The following CDC42BPB variants were observed in gnomAD, a reference collection of about 807,000 sequenced individuals.
CDC42BPB encodes CDC42 binding protein kinase beta, also known as serine/threonine-protein kinase MRCK beta.
Under a neutral mutation model 214.9 loss-of-function variants are expected in CDC42BPB, and 37 were observed. The ratio of observed to expected loss-of-function variants is 0.17; its 90% CI spans 0.13 to 0.23. The LOEUF (loss-of-function observed/expected upper bound fraction) is 0.23, where lower values mean the gene tolerates loss of function less well. Ranked by LOEUF, CDC42BPB falls within the 10% of genes least tolerant of loss-of-function variation. The pLI, the probability that CDC42BPB is intolerant of heterozygous loss-of-function variation, is 1.00. For missense variants in CDC42BPB, 1,694 were observed against 2,227.0 expected, an observed-to-expected ratio of 0.76 and a Z score of 4.82; for synonymous variants, 931 against 884.0, an observed-to-expected ratio of 1.05 and a Z score of -0.94.
intron 36 of CDC42BPB, among the ~76,000 whole-genome samples, chr14:102,935,744 C>T (rs1304372528): frequency 7.0e-6 from 1 of 142,012 alleles, no homozygotes; most frequent in Non-Finnish European, 1.5e-5. Context: ...GAGCCAAGAT[C>T]GTGCCACTGC....
At chr14:102,959,836 A>C in intron 20 of CDC42BPB, 126 bp from the exon 21 acceptor site, 1 of 904,116 alleles carries the variant, frequency 1.1e-6, no homozygotes, top group Non-Finnish European at 1.3e-6. Context: ...CATGATCACA[A>C]TTAAAAAAAA....
chr14:103,057,092 C>A lies in CDC42BPB; in HGVS notation c.82G>T (p.Glu28Ter). The change falls in exon 1 of 37, where the codon GAA becomes TAA. Residue 28 changes from glutamate to a stop codon, truncating the protein, a stop_gained. Coordinates refer to ENST00000361246, the MANE Select transcript of CDC42BPB (RefSeq NM_006035.4). LOFTEE classifies it high-confidence loss of function. Reference protein sequence around the residue: ...PWRNESALSVETLLDVLVCLY... With the variant: ...PWRNESALSV The stretch of plus-strand genomic sequence containing the variant: ...CAGACGAGCACGTCGAGCAGCGTTT[C>A]CACGCTCAGGGCGCTCTCGTTGCGC... 1 of 1,525,922 alleles carries A rather than the reference C, an allele frequency of 6.6e-7. No individual in the cohort carries two copies. The allele number at this position is 1,525,922 out of a possible 1,614,324, so 94.5% of individuals were successfully genotyped here.
At chr14:103,000,451 G>A (rs898054758) in intron 4 of CDC42BPB, among the ~76,000 whole-genome samples, 3 of 152,236 alleles carry the variant, frequency 2.0e-5, no homozygotes, top group African/African-American at 7.2e-5. Flanking sequence ...AGGCCCCAGT[G>A]GGGAGATCTC....
At chr14:103,040,213 G>C (rs1469478237) in intron 1 of CDC42BPB, among the ~76,000 whole-genome samples, 6 of 152,020 alleles carry the variant, frequency 3.9e-5, no homozygotes, top group Non-Finnish European at 7.4e-5. Context: ...ACATTAGCCA[G>C]GCGTCGTGGC....
intron 27 of CDC42BPB, 110 bp from the exon 28 acceptor site, chr14:102,946,794 G>C: frequency 6.7e-7 from 1 of 1,481,702 alleles, no homozygotes; most frequent in South Asian, 1.4e-5. Context: ...GGGGGCTGAT[G>C]TGCTTCCCAG....
chr14:102,943,386 T>G lies in CDC42BPB; in HGVS notation c.4408+505A>C, dbSNP rs146117457. Among the ~76,000 whole-genome samples the G allele has an allele frequency of 6.6e-6, 1 of 152,312 alleles. No homozygotes were observed. The highest frequency in any genetic ancestry group is 1.9e-4 in the East Asian group (1 of 5,180). On this transcript the variant is annotated intron_variant, in intron 30 of 36. Transcript: ENST00000361246. This position sits in a 1 kb window ranked among gnomAD's most constrained non-coding sequence, Gnocchi z 4.6. ...GAGAAAGTCATGCCAACTAGGCGAA[T>G]TCAGTGACCCAACTGTTTGAAAAAC...
intron 2 of CDC42BPB, among the ~76,000 whole-genome samples, chr14:103,008,968 G>C (rs1419043378): frequency 6.6e-6 from 1 of 152,228 alleles, no homozygotes. Flanking sequence ...ACCTCCTTCA[G>C]GAAGTCCTCT....
At chr14:102,945,009 C>T (rs775795350) in intron 29 of CDC42BPB, among the ~76,000 whole-genome samples, 6 of 152,194 alleles carry the variant, frequency 3.9e-5, no homozygotes, top group Non-Finnish European at 8.8e-5. Flanking sequence ...CCAGTGAAGA[C>T]GCCGCCCTCA....
At chr14:102,936,257 C>A (rs1323058531) in intron 36 of CDC42BPB, among the ~76,000 whole-genome samples, 1 of 152,144 alleles carries the variant, frequency 6.6e-6, no homozygotes, top group African/African-American at 2.4e-5. Flanking sequence ...GGCATAAACC[C>A]GAATGTGAAA....
At chr14:102,979,862 C>T (rs1418715515) in intron 8 of CDC42BPB, among the ~76,000 whole-genome samples, 12 of 152,088 alleles carry the variant, frequency 7.9e-5, no homozygotes, top group Admixed American at 7.2e-4. Flanking sequence ...CTGTCAGAGC[C>T]GACTGGAACA....
At position 103,004,481 on chromosome 14, in the gene CDC42BPB, A is replaced by T. The variant is rs1277166682; in HGVS notation, c.352-458T>A. ...AGGCGCACACGTTTGCTGAAATCAC[A>T]GTATAGTGATGACACAATTGTCACA... On this transcript the variant is annotated intron_variant, in intron 3 of 36. Transcript: ENST00000361246. The surrounding 1 kb of genome is among the most constrained non-coding windows in gnomAD (Gnocchi z 5.3). 2.6e-5 allele frequency among the ~76,000 whole-genome samples: 4 copies of T among 152,248 alleles called. No homozygotes were observed. Among genetic ancestry groups the T allele is most frequent in the Non-Finnish European group, 5.9e-5 (4 of 68,046 alleles).
At position 103,020,413 on chromosome 14, in the gene CDC42BPB, C is replaced by G. The variant is rs570144353; in HGVS notation, c.176-8225G>C. On this transcript the variant is annotated intron_variant, in intron 1 of 36. Transcript: ENST00000361246. ...CTTCAAGAGATGGCAGGACCCACAC[C>G]TGCCTGGAGCAGCACCTCCACAGCT... Among the ~76,000 whole-genome samples the G allele has an allele frequency of 4.6e-5, 7 of 152,316 alleles. No homozygotes were observed. In the East Asian group the frequency reaches 9.6e-4, roughly 21 times the overall value.
intron 1 of CDC42BPB, among the ~76,000 whole-genome samples, chr14:103,056,602 T>C (rs1888969117): frequency 8.5e-6 from 1 of 117,906 alleles, no homozygotes; most frequent in African/African-American, 3.4e-5. Context: ...GATATCCCAG[T>C]GAGTGCTGCA....
In CDC42BPB at chr14:102,983,915, T is replaced by C. The variant is rs970149737; in HGVS notation, c.691-159A>G. On this transcript the variant is annotated intron_variant, in intron 6 of 36. Coordinates refer to ENST00000361246, the MANE Select transcript of CDC42BPB (RefSeq NM_006035.4). ...TTTAAACCCAGTAATTCAAGCTGAG[T>C]ATAGTGCCTCGAGCCTGTAGCCTCA... is the stretch of plus-strand genomic sequence containing the variant. The C allele has an allele frequency of 3.0e-6, 3 of 984,800 alleles. No homozygotes were observed. The African/African-American group carries it at 5.2e-5, about 17-fold the overall frequency. The allele number at this position is 984,800 out of a possible 1,614,324, so 61.0% of individuals were successfully genotyped here.
rs373775169 is a variant in CDC42BPB at position 102,975,014 on chromosome 14, G to A, written c.1507+670C>T. Among the ~76,000 whole-genome samples the A allele has an allele frequency of 9.2e-5, 14 of 152,274 alleles. No individual in the cohort carries two copies. The East Asian group carries it at 1.9e-3, about 21-fold the overall frequency. ...AGGGAACTTTGATAACCTAGGAACC[G>A]CCAAAAGAAAGTGGTGACAGCAGGT... On this transcript the variant is annotated intron_variant, in intron 11 of 36. Coordinates refer to ENST00000361246, the MANE Select transcript of CDC42BPB (RefSeq NM_006035.4).
chr14:102,946,241 T>C (rs1892169169), intron 28 of CDC42BPB, among the ~76,000 whole-genome samples: 1 of 152,120 alleles, frequency 6.6e-6, no homozygotes, highest in Non-Finnish European at 1.5e-5. Flanking sequence ...GCCAGGATGG[T>C]CTCAACCTCC....
chr14:103,016,653 C>T (rs1384707085), intron 1 of CDC42BPB, among the ~76,000 whole-genome samples: 1 of 151,922 alleles, frequency 6.6e-6, no homozygotes, highest in Non-Finnish European at 1.5e-5. Flanking sequence ...TCCTCACTGT[C>T]CAAGTGAGGA....
rs767925910 is a variant in CDC42BPB at position 102,940,048 on chromosome 14, G to A, written c.4589C>T (p.Ser1530Leu). The change falls in exon 32 of 37, where the codon TCG (serine) becomes TTG (leucine). Residue 1530 changes from serine (S) to leucine (L), a missense_variant and splice_region_variant. Transcript: ENST00000361246. Reference sequence around the variant, plus strand: ...TCCCGGTGCAGAGGAAGGCTCACCCGAGAACTTGCTCTTGAAGTAGATCAA... The same window carrying A: ...TCCCGGTGCAGAGGAAGGCTCACCCAAGAACTTGCTCTTGAAGTAGATCAA... ...PRLIYFKSKF[S>L]GAVLNVPDTS... The A allele has an allele frequency of 8.7e-6, 14 of 1,613,834 alleles. No homozygotes were observed. The highest frequency in any genetic ancestry group is 1.1e-5 in the Non-Finnish European group (13 of 1,180,032).
intron 18 of CDC42BPB, 173 bp from the exon 19 acceptor site, chr14:102,964,823 T>C: frequency 1.1e-6 from 1 of 922,148 alleles, no homozygotes; most frequent in Non-Finnish European, 1.3e-6. Flanking sequence ...TTATGACTTT[T>C]TTTACTCTTC....
Sources: allele counts gnomAD v4.1 joint callset (sites outside exome capture counted in the v4.1 genomes callset), GRCh38; gene constraint gnomAD v4.1.1; non-coding constraint Gnocchi (gnomAD v3.1); transcripts MANE v1.5; gene names NCBI Gene and HGNC (gene_info 2026-07-23, HGNC 2026-07-21).